NBAS: variants seen among roughly 807,000 people sequenced by gnomAD.
NBAS encodes the protein NAG/BC035112 fusion.
A neutral mutation model predicts 302.5 loss-of-function variants in NBAS; 219 were observed. The observed-to-expected ratio is 0.72, with a 90% CI of 0.65 to 0.81. The LOEUF is 0.81. Among genes scored for constraint, NBAS ranks in the 30% least tolerant of loss-of-function variants. NBAS has a pLI of 0.00. For synonymous variants in NBAS, 1,118 were observed against 1,021.6 expected (o/e 1.09, Z -1.80); for missense variants, 2,932 against 2,841.6 (o/e 1.03, Z -0.72).
the NBAS span, among the ~76,000 whole-genome samples, chr2:14,961,497 G>A: frequency 1.3e-5 from 2 of 151,856 alleles, no homozygotes; most frequent in African/African-American, 4.8e-5. Context: ...TTCACCTTCT[G>A]CCATGAGTGG....
At chr2:14,848,522 C>G in the NBAS span, among the ~76,000 whole-genome samples, 16 of 144,316 alleles carry the variant, frequency 1.1e-4, no homozygotes, top group East Asian at 3.9e-4. Context: ...CATTGCCCAG[C>G]CTTGCTTAGG....
Position 15,309,182 on chromosome 2 carries a change from C to T in NBAS, c.4648G>A (p.Ala1550Thr), listed in dbSNP as rs780153958. 58 of 1,612,630 alleles carry T rather than the reference C, an allele frequency of 3.6e-5. No individual in the cohort carries two copies. Among genetic ancestry groups the T allele is most frequent in the Non-Finnish European group, 4.9e-5 (58 of 1,179,068 alleles). ...DMTLALAYLL[A>T]LPQVLDANRC... ...AAGGGCAAACTTACTTGTGGTAAGG[C>T]AAGAAGGTAAGCAAGAGCCAAGGTC... The change falls in exon 39 of 52, where the codon GCC becomes ACC. Residue 1550 changes from alanine (A) to threonine (T), a missense_variant. Physicochemically the swap from Ala to Thr is moderately conservative, Grantham distance 58 (BLOSUM62 0). Transcript: ENST00000281513.
chr2:15,392,406 A>G (rs781547000), intron 28 of NBAS, among the ~76,000 whole-genome samples: 2 of 151,902 alleles, frequency 1.3e-5, no homozygotes, highest in Non-Finnish European at 2.9e-5. Flanking sequence ...ATTAGAGCTA[A>G]TAAGTAAGCC....
intron 44 of NBAS, among the ~76,000 whole-genome samples, chr2:15,274,336 T>C (rs1378421818): frequency 6.6e-6 from 1 of 152,210 alleles, no homozygotes; most frequent in Non-Finnish European, 1.5e-5. Flanking sequence ...TTACAGTCTA[T>C]TTCCAGGATA....
At chr2:15,444,841 A>G (rs1023758019) in intron 21 of NBAS, among the ~76,000 whole-genome samples, 10 of 152,326 alleles carry the variant, frequency 6.6e-5, no homozygotes, top group Non-Finnish European at 1.2e-4. Flanking sequence ...AAAAGTGGGC[A>G]AAGGATATGA....
chr2:15,333,001 G>T (rs1362393816), intron 35 of NBAS, among the ~76,000 whole-genome samples: 1 of 152,192 alleles, frequency 6.6e-6, no homozygotes, highest in Admixed American at 6.5e-5. Flanking sequence ...TGCCCTCAAG[G>T]AGCTCAGAAA....
the NBAS span, among the ~76,000 whole-genome samples, chr2:15,144,046 A>ATATATATATATATATTATCCTATATATAT: frequency 2.6e-4 from 27 of 104,528 alleles, 4 homozygotes; most frequent in Admixed American, 8.6e-4. Flanking sequence ...CCTATATATA[A>ATATATATATATATATTATCCTATATATAT]AAATATATAT....
chr2:14,993,359 T>C, the NBAS span, among the ~76,000 whole-genome samples: 7 of 152,182 alleles, frequency 4.6e-5, no homozygotes, highest in African/African-American at 1.4e-4. Flanking sequence ...CAGGTTGACA[T>C]GAGGAGGGGA....
At chr2:15,161,321 AC>A in the NBAS span, among the ~76,000 whole-genome samples, 2 of 152,182 alleles carry the variant, frequency 1.3e-5, no homozygotes, top group South Asian at 4.1e-4. Flanking sequence ...CATTGCTAGT[AC>A]TAGCAAAGAG....
At position 15,187,491 on chromosome 2, in the gene NBAS, G is replaced by A. The variant is rs541238860; in HGVS notation, c.6573-611C>T. Among the ~76,000 whole-genome samples, 21 of 152,206 alleles carry A rather than the reference G, an allele frequency of 1.4e-4. No individual in the cohort carries two copies. In the South Asian group the frequency reaches 1.9e-3, roughly 14 times the overall value. ...CAGCTGGGGAGCATAGGTTGAGGAAGCCACAGACAAGCAGTATGAAGATCA... is the reference window on the plus strand; with the variant it reads ...CAGCTGGGGAGCATAGGTTGAGGAAACCACAGACAAGCAGTATGAAGATCA... On this transcript the variant is annotated intron_variant, in intron 49 of 51. Transcript: ENST00000281513.
At chr2:15,158,078 C>T in the NBAS span, among the ~76,000 whole-genome samples, 736 of 152,284 alleles carry the variant, frequency 4.8e-3, 4 homozygotes, top group Non-Finnish European at 6.9e-3. Flanking sequence ...CCCTGCAAGG[C>T]CATCCCGTGC....
the NBAS span, among the ~76,000 whole-genome samples, chr2:14,833,010 A>G: frequency 1.3e-5 from 2 of 152,204 alleles, no homozygotes; most frequent in Non-Finnish European, 2.9e-5. Flanking sequence ...AAGGTCCCAG[A>G]ACTAGTGAAT....
At chr2:14,979,068 TA>T in the NBAS span, among the ~76,000 whole-genome samples, 1 of 152,170 alleles carries the variant, frequency 6.6e-6, no homozygotes, top group African/African-American at 2.4e-5. Flanking sequence ...TATCTGTCTA[TA>T]AATTTAGTAA....
At chr2:14,934,550 G>A in the NBAS span, among the ~76,000 whole-genome samples, 1 of 152,122 alleles carries the variant, frequency 6.6e-6, no homozygotes, top group Non-Finnish European at 1.5e-5. Context: ...GTACAACAGA[G>A]AATTTTCCAA....
the NBAS span, among the ~76,000 whole-genome samples, chr2:14,812,385 A>G: frequency 3.3e-5 from 5 of 152,186 alleles, no homozygotes; most frequent in Non-Finnish European, 7.4e-5. Flanking sequence ...GGGATGGCTT[A>G]CCAGGAGATA....
the NBAS span, among the ~76,000 whole-genome samples, chr2:14,910,520 T>C: frequency 6.6e-6 from 1 of 151,966 alleles, no homozygotes; most frequent in Non-Finnish European, 1.5e-5. Flanking sequence ...CACACCGGGG[T>C]TTTCTGACTC....
intron 9 of NBAS, among the ~76,000 whole-genome samples, chr2:15,531,860 T>C (rs978399764): frequency 6.6e-6 from 1 of 152,336 alleles, no homozygotes; most frequent in East Asian, 1.9e-4. Context: ...GTGGCCACCA[T>C]ATTTCAAACT....
intron 11 of NBAS, among the ~76,000 whole-genome samples, chr2:15,492,981 A>C (rs1015660842): frequency 5.3e-5 from 8 of 152,148 alleles, no homozygotes; most frequent in Non-Finnish European, 1.0e-4. Flanking sequence ...ATTTTGAATT[A>C]TTGTAATCCC....
At chr2:15,339,841 G>A (rs555965443) in intron 35 of NBAS, among the ~76,000 whole-genome samples, 1 of 151,832 alleles carries the variant, frequency 6.6e-6, no homozygotes. Flanking sequence ...AGATATTTGG[G>A]AAGAACATTC....
Sources: gnomAD v4.1 joint callset for allele counts (sites outside exome capture counted in the v4.1 genomes callset) on GRCh38, gnomAD v4.1.1 for gene constraint, MANE v1.5 for transcripts, NCBI Gene and HGNC (gene_info 2026-07-23, HGNC 2026-07-21) for gene names.